EIF2AK1: variants seen among roughly 807,000 people sequenced by gnomAD.
EIF2AK1 encodes the protein eukaryotic translation initiation factor 2-alpha kinase 1.
In EIF2AK1, 54 loss-of-function variants were observed where a neutral mutation model predicts 77.9. The ratio of observed to expected loss-of-function variants is 0.69; its 90% CI spans 0.56 to 0.87. The LOEUF is 0.87. EIF2AK1 is among the 40% of genes least tolerant of loss of function. EIF2AK1 has a pLI of 0.00. For synonymous variants in EIF2AK1, 314 were observed against 290.5 expected (o/e 1.08, Z -0.82); for missense variants, 810 against 768.6 (o/e 1.05, Z -0.64).
chr7:6,043,109 A>G (rs1032769152), intron 7 of EIF2AK1, 116 bp from the exon 8 acceptor site: 9 of 1,047,326 alleles, frequency 8.6e-6, no homozygotes, highest in Non-Finnish European at 1.3e-5. Context: ...TAAAAATGTC[A>G]TGACCTTCTG....
rs539865029 is a variant in EIF2AK1, at chr7:6,037,651, G to C, written c.1232-127C>G. 41 of 674,138 alleles carry C rather than the reference G, an allele frequency of 6.1e-5. No homozygotes were observed. In the African/African-American group the frequency reaches 6.7e-4, roughly 11 times the overall value. 41.8% of individuals were successfully genotyped at this position (674,138 alleles called of 1,614,324 possible). On this transcript the variant is annotated intron_variant, in intron 10 of 14. Transcript: ENST00000199389. ...AAGAACAATCTAGATTTTCAACAAAGTCAATGCTGCAGAATGGTCTAAAAC... is the reference window on the plus strand; with the variant it reads ...AAGAACAATCTAGATTTTCAACAAACTCAATGCTGCAGAATGGTCTAAAAC...
intron 9 of EIF2AK1, among the ~76,000 whole-genome samples, chr7:6,039,891 C>G (rs901907505): frequency 4.0e-5 from 6 of 150,808 alleles, no homozygotes; most frequent in African/African-American, 1.5e-4. Flanking sequence ...GAGCCGAGAT[C>G]ATGCCACTGT....
rs1055230263 is a variant in EIF2AK1, at chr7:6,032,386, A to G, written c.1333-3354T>C. 1.3e-5 allele frequency among the ~76,000 whole-genome samples: 2 copies of G among 152,208 alleles called. No homozygotes were observed. The highest frequency in any genetic ancestry group is 4.8e-5 in the African/African-American group (2 of 41,456). ...TGGCACAAACAGCTCTGCTAATCAT[A>G]GACAGAACATATGCTGCGTTATATT... On this transcript the variant is annotated intron_variant, in intron 11 of 14. Transcript: ENST00000199389. The surrounding 1 kb of genome is among the most constrained non-coding windows in gnomAD (Gnocchi z 4.3).
intron 3 of EIF2AK1, among the ~76,000 whole-genome samples, chr7:6,049,395 T>G (rs78429216): frequency 0.06 from 9,157 of 151,880 alleles, 593 homozygotes; most frequent in East Asian, 0.35. Flanking sequence ...TACAAAAAAT[T>G]AGTTGGGTGT....
Position 6,044,597 on chromosome 7 carries a change from G to A in EIF2AK1, c.695C>T (p.Ala232Val), listed in dbSNP as rs771599948. 5 of 1,613,902 alleles carry A rather than the reference G, an allele frequency of 3.1e-6. No homozygotes were observed. The highest frequency in any genetic ancestry group is 4.5e-5 in the East Asian group (2 of 44,894). ...AATCACATGAACATGTTCTATCCAC[G>A]CGGTGTGATAGCCAACAATATTGGG... ...QHPNIVGYHTAWIEHVHVIQP... is the reference protein window; with the variant it reads ...QHPNIVGYHTVWIEHVHVIQP... The change falls in exon 7 of 15, where the codon GCG becomes GTG. Residue 232 changes from alanine to valine, a missense_variant. Around this residue, in one of 3 missense-constraint regions of EIF2AK1, gnomAD observed 549 missense variants for 533.7 expected, o/e 1.03. Transcript: ENST00000199389.
intron 7 of EIF2AK1, among the ~76,000 whole-genome samples, chr7:6,043,353 G>A (rs555977274): frequency 6.6e-6 from 1 of 152,198 alleles, no homozygotes; most frequent in East Asian, 1.9e-4. Context: ...GAGGCTCGAG[G>A]ATCACTTGAG....
rs34743814 is a variant in EIF2AK1, at chr7:6,041,222, GAAAA to G, written c.792-7_792-4del. ...CATTTTTAACACCACATTGCTCTCT[GAAAA>G]AAAAAAAAATAGTAAACATAAAAGT... On this transcript the variant is annotated splice_region_variant and splice_polypyrimidine_tract_variant and intron_variant, in intron 8 of 14. Coordinates refer to ENST00000199389, the MANE Select transcript of EIF2AK1 (RefSeq NM_014413.4). 2.5e-5 allele frequency: 34 copies of G among 1,382,992 alleles called. 1 individual carries two copies. In the South Asian group the frequency reaches 4.2e-4, roughly 17 times the overall value. The allele number at this position is 1,382,992 out of a possible 1,614,324, so 85.7% of individuals were successfully genotyped here.
chr7:6,048,685 A>G, intron 4 of EIF2AK1, 122 bp downstream of exon 4: 1 of 805,044 alleles, frequency 1.2e-6, no homozygotes, highest in Non-Finnish European at 1.9e-6. Context: ...ATTGCTGAGA[A>G]CAAAGTTTTT....
At chr7:6,029,123 G>T (rs991491938) in intron 11 of EIF2AK1, 91 bp from the exon 12 acceptor site, 2 of 1,068,802 alleles carry the variant, frequency 1.9e-6, no homozygotes, top group Non-Finnish European at 1.4e-6. Context: ...GAACTCAGGA[G>T]CAAGCAGCCC....
At position 6,023,657 on chromosome 7, in the gene EIF2AK1, C is replaced by T; in HGVS notation, c.*1016G>A. 1 of 1,614,064 alleles carries T rather than the reference C, an allele frequency of 6.2e-7. No individual in the cohort carries two copies. The highest frequency in any genetic ancestry group is 8.5e-7 in the Non-Finnish European group (1 of 1,179,998). On this transcript the variant is annotated 3_prime_UTR_variant, in exon 15 of 15. Transcript: ENST00000199389. ...TGGATGAGGTCTTGTGAAAACCTGG[C>T]TCCTTTTAACACGGCCCTCAAGCTC...
chr7:6,050,588 C>G (rs1371358535), intron 2 of EIF2AK1, among the ~76,000 whole-genome samples: 1 of 150,080 alleles, frequency 6.7e-6, no homozygotes, highest in African/African-American at 2.4e-5. Context: ...AAAAGCACAA[C>G]TATAATTACT....
chr7:6,047,176 C>T (rs1439860810), intron 4 of EIF2AK1, 85 bp from the exon 5 acceptor site: 1 of 1,270,978 alleles, frequency 7.9e-7, no homozygotes, highest in Admixed American at 1.8e-5. Flanking sequence ...GGATTACTAA[C>T]CTCACAAACC....
At chr7:6,058,833 G>A in intron 1 of EIF2AK1, 133 bp downstream of exon 1, 2 of 724,862 alleles carry the variant, frequency 2.8e-6, no homozygotes, top group South Asian at 4.5e-5. Context: ...CTGCGCGGCT[G>A]GGCCGCCGGT....
intron 4 of EIF2AK1, 57 bp from the exon 5 acceptor site, chr7:6,047,148 G>A (rs1788469830): frequency 6.7e-7 from 1 of 1,497,022 alleles, no homozygotes; most frequent in South Asian, 1.1e-5. Context: ...AAATGTTCTA[G>A]GATACCTCAT....
Position 6,043,010 on chromosome 7 carries a change from A to G in EIF2AK1, c.731-17T>C, listed in dbSNP as rs748705201. Reference sequence around the variant, plus strand: ...CTCTGTCTGCTGAATGAAAACAAACAACAATCATCTTCAAACAGCCCAGTT... The same window carrying G: ...CTCTGTCTGCTGAATGAAAACAAACGACAATCATCTTCAAACAGCCCAGTT... On this transcript the variant is annotated splice_polypyrimidine_tract_variant and intron_variant, in intron 7 of 14. Coordinates refer to ENST00000199389, the MANE Select transcript of EIF2AK1 (RefSeq NM_014413.4). 14 of 1,613,428 alleles carry G rather than the reference A, an allele frequency of 8.7e-6. No individual in the cohort carries two copies. The highest frequency in any genetic ancestry group is 1.0e-5 in the Non-Finnish European group (12 of 1,179,606).
chr7:6,056,309 A>T (rs1456771717), intron 1 of EIF2AK1, among the ~76,000 whole-genome samples: 1 of 146,620 alleles, frequency 6.8e-6, no homozygotes, highest in Non-Finnish European at 1.5e-5. Context: ...AAAAAAAAAA[A>T]AAAGGCCGGG....
At chr7:6,052,822 C>T (rs1426865322) in intron 2 of EIF2AK1, among the ~76,000 whole-genome samples, 1 of 151,788 alleles carries the variant, frequency 6.6e-6, no homozygotes, top group East Asian at 1.9e-4. Context: ...AAAAATTACC[C>T]GGGCATGGTG....
In EIF2AK1 at chr7:6,033,370, A is replaced by G. The variant is rs1367104642; in HGVS notation, c.1332+4054T>C. ...TGTTTGGACTTGTTCGTTCTTATGA[A>G]TGAACCAATGTCTTTACTGAGTAGA... On this transcript the variant is annotated intron_variant, in intron 11 of 14. Coordinates refer to ENST00000199389, the MANE Select transcript of EIF2AK1 (RefSeq NM_014413.4). This position sits in a 1 kb window ranked among gnomAD's most constrained non-coding sequence, Gnocchi z 4.4. 6.6e-6 allele frequency among the ~76,000 whole-genome samples: 1 copy of G among 152,190 alleles called. No individual in the cohort carries two copies. The highest frequency in any genetic ancestry group is 2.4e-5 in the African/African-American group (1 of 41,440).
At chr7:6,043,545 C>A (rs564048494) in intron 7 of EIF2AK1, among the ~76,000 whole-genome samples, 1 of 152,082 alleles carries the variant, frequency 6.6e-6, no homozygotes, top group Non-Finnish European at 1.5e-5. Context: ...TCTGCTGCCT[C>A]AGCCTCCCGA....
Sources: allele counts gnomAD v4.1 joint callset (sites outside exome capture counted in the v4.1 genomes callset), GRCh38; gene constraint gnomAD v4.1.1; regional missense constraint gnomAD v4.1.1; non-coding constraint Gnocchi (gnomAD v3.1); transcripts MANE v1.5; gene names NCBI Gene and HGNC (gene_info 2026-07-23, HGNC 2026-07-21).